Variants in STK3 observed in about 807,000 individuals in gnomAD.
STK3 encodes the protein serine/threonine kinase 3.
Under a neutral mutation model 58.0 loss-of-function variants are expected in STK3, and 41 were observed. The ratio of observed to expected loss-of-function variants is 0.71; its 90% CI spans 0.55 to 0.92. The LOEUF (loss-of-function observed/expected upper bound fraction) is 0.92, where lower values mean the gene tolerates loss of function less well. Among genes scored for constraint, STK3 ranks in the 40% least tolerant of loss-of-function variants. The pLI is 0.00. For missense variants in STK3, 479 were observed against 602.7 expected (o/e 0.79, Z 2.15); for synonymous variants, 170 against 191.0 (o/e 0.89, Z 0.91).
intron 9 of STK3, among the ~76,000 whole-genome samples, chr8:98,529,414 A>G (rs1291481072): frequency 6.6e-6 from 1 of 152,158 alleles, no homozygotes; most frequent in Non-Finnish European, 1.5e-5. Flanking sequence ...AGGTGAGGTT[A>G]TAAGAGAGAG....
intron 3 of STK3, among the ~76,000 whole-genome samples, chr8:98,873,976 A>G (rs978476433): frequency 3.3e-5 from 5 of 152,130 alleles, no homozygotes; most frequent in Admixed American, 1.3e-4. Flanking sequence ...TGCAGTGGCT[A>G]GTACCGGTTT....
At chr8:98,777,073 T>A (rs1033751331) in intron 1 of STK3, among the ~76,000 whole-genome samples, 1 of 151,462 alleles carries the variant, frequency 6.6e-6, no homozygotes, top group Non-Finnish European at 1.5e-5. Context: ...TAATTAAAAA[T>A]TTTAAAAATA....
chr8:98,375,225 A>C (rs1022375055), intron 2 of STK3, among the ~76,000 whole-genome samples: 6 of 150,698 alleles, frequency 4.0e-5, no homozygotes, highest in African/African-American at 7.3e-5. Context: ...ACTGTACTCC[A>C]GCCTGAGTGA....
intron 1 of STK3, among the ~76,000 whole-genome samples, chr8:98,939,220 A>G (rs1017294047): frequency 2.0e-5 from 3 of 152,214 alleles, no homozygotes; most frequent in Non-Finnish European, 2.9e-5. Context: ...AGAGGTAGGG[A>G]CGGAGGAGGA....
the STK3 span, among the ~76,000 whole-genome samples, chr8:98,347,379 A>G: frequency 6.6e-6 from 1 of 151,476 alleles, no homozygotes; most frequent in Non-Finnish European, 1.5e-5. Context: ...GCCGGGCGTG[A>G]TGGCGGGCGC....
intron 7 of STK3, among the ~76,000 whole-genome samples, chr8:98,590,196 T>C (rs1265390385): frequency 1.3e-5 from 2 of 151,732 alleles, no homozygotes; most frequent in Non-Finnish European, 2.9e-5. Flanking sequence ...ATAACCAGCA[T>C]TGATTTGCTA....
intron 1 of STK3, among the ~76,000 whole-genome samples, chr8:98,915,301 T>G (rs1839300862): frequency 6.6e-5 from 10 of 151,734 alleles, no homozygotes; most frequent in Admixed American, 6.6e-4. Context: ...TGCTGGATGC[T>G]TCCTGCCCTC....
At chr8:98,893,964 T>C (rs1199396701) in intron 1 of STK3, among the ~76,000 whole-genome samples, 2 of 152,260 alleles carry the variant, frequency 1.3e-5, no homozygotes, top group African/African-American at 4.8e-5. Flanking sequence ...CCTCCCCAAG[T>C]ATACCCTTTT....
In STK3 at chr8:98,699,261, T is replaced by G. The variant is rs9772947; in HGVS notation, c.684+7206A>C. Among the ~76,000 whole-genome samples the G allele has an allele frequency of 6.4e-3, 920 of 143,416 alleles. 1 individual carries two copies. Among genetic ancestry groups the G allele is most frequent in the Middle Eastern group, 0.021 (6 of 284 alleles). 94.1% of individuals were successfully genotyped at this position (143,416 alleles called of 152,430 possible). On this transcript the variant is annotated intron_variant, in intron 6 of 10. Coordinates refer to ENST00000419617, the MANE Select transcript of STK3 (RefSeq NM_006281.4). ...TATTGGTTATTCTAGTTATACATTCTTCTAAATTTTTTTCAAAGTTTTCAA... is the reference window on the plus strand; with the variant it reads ...TATTGGTTATTCTAGTTATACATTCGTCTAAATTTTTTTCAAAGTTTTCAA...
At chr8:98,599,591 CA>C (rs1313080308) in intron 6 of STK3, among the ~76,000 whole-genome samples, 13 of 151,848 alleles carry the variant, frequency 8.6e-5, no homozygotes, top group African/African-American at 3.1e-4. Context: ...TTATACTAAA[CA>C]AGTATTAAAT....
Position 98,455,738 on chromosome 8 carries a change from TAATTGTAGGGCAAAATCTTAGGATTAAA to T in STK3, c.*76_*103del. Reference sequence around the variant, plus strand: ...CCATTGTCACTTTTTGACCTCTGCCTAATTGTAGGGCAAAATCTTAGGATTAAAAATATCCAAATATTCCTTCAATTCC... The same window carrying T: ...CCATTGTCACTTTTTGACCTCTGCCTAATATCCAAATATTCCTTCAATTCC... On this transcript the variant is annotated 3_prime_UTR_variant, in exon 11 of 11. Coordinates refer to ENST00000419617, the MANE Select transcript of STK3 (RefSeq NM_006281.4). 1.4e-6 allele frequency: 2 copies of T among 1,447,192 alleles called. No homozygotes were observed. Among genetic ancestry groups the T allele is most frequent in the Non-Finnish European group, 9.3e-7 (1 of 1,070,216 alleles). The allele number at this position is 1,447,192 out of a possible 1,614,324, so 89.6% of individuals were successfully genotyped here. A position where few individuals can be genotyped will look rare whatever the true frequency, so the allele number is the denominator to read the frequency against.
chr8:98,669,835 A>T (rs911770535), intron 6 of STK3, among the ~76,000 whole-genome samples: 2 of 152,184 alleles, frequency 1.3e-5, no homozygotes, highest in African/African-American at 4.8e-5. Context: ...AGCCCTTCGA[A>T]GATACCCAAA....
intron 1 of STK3, among the ~76,000 whole-genome samples, chr8:98,383,291 G>T (rs945143260): frequency 2.6e-5 from 4 of 152,144 alleles, no homozygotes; most frequent in Non-Finnish European, 5.9e-5. Context: ...CCAGTAGGTG[G>T]CCAAGTCAAG....
intron 1 of STK3, chr8:98,778,829 A>G: frequency 6.6e-6 from 1 of 152,134 alleles, no homozygotes. Flanking sequence ...GAATTGAACG[A>G]TGAGAACACA....
intron 6 of STK3, among the ~76,000 whole-genome samples, chr8:98,662,062 C>CA (rs1411959909): frequency 2.0e-5 from 3 of 151,836 alleles, no homozygotes; most frequent in Non-Finnish European, 4.4e-5. Context: ...CTAGTATACG[C>CA]AAAAAATGTC....
intron 1 of STK3, among the ~76,000 whole-genome samples, chr8:98,926,479 G>T (rs756335857): frequency 7.2e-5 from 11 of 152,044 alleles, no homozygotes; most frequent in Non-Finnish European, 1.3e-4. Context: ...ACCCCGTGAT[G>T]CCCCCATATT....
intron 5 of STK3, among the ~76,000 whole-genome samples, chr8:98,706,891 G>A (rs1826008361): frequency 6.6e-6 from 1 of 152,108 alleles, no homozygotes; most frequent in Non-Finnish European, 1.5e-5. Context: ...AATGATAAAA[G>A]CTACAGAAAT....
At chr8:98,462,733 C>A (rs1820099875) in intron 10 of STK3, among the ~76,000 whole-genome samples, 1 of 152,098 alleles carries the variant, frequency 6.6e-6, no homozygotes, top group South Asian at 2.1e-4. Flanking sequence ...GTTTTTCAAA[C>A]TTCTTTATGT....
chr8:98,784,609 CCT>C (rs1362936009), intron 1 of STK3, among the ~76,000 whole-genome samples: 1 of 152,180 alleles, frequency 6.6e-6, no homozygotes, highest in Non-Finnish European at 1.5e-5. Context: ...ACAGTGGAGG[CCT>C]CTCTGCTCCA....
Sources: allele counts gnomAD v4.1 joint callset (sites outside exome capture counted in the v4.1 genomes callset), GRCh38; gene constraint gnomAD v4.1.1; transcripts MANE v1.5; gene names NCBI Gene and HGNC (gene_info 2026-07-23, HGNC 2026-07-21).